Variants in ERGIC1 observed in about 807,000 individuals in gnomAD.
The protein encoded by ERGIC1 is endoplasmic reticulum-golgi intermediate compartment 1.
In ERGIC1, 19 loss-of-function variants were observed where a neutral mutation model predicts 38.3. The observed-to-expected ratio is 0.50, with a 90% CI of 0.35 to 0.73. The LOEUF is 0.73. Ranked by LOEUF, ERGIC1 falls within the 30% of genes least tolerant of loss-of-function variation. The pLI is 0.01. For synonymous variants in ERGIC1, 124 were observed against 157.6 expected (o/e 0.79, Z 1.60); for missense variants, 294 against 389.2 (o/e 0.76, Z 2.06).
chr5:172,914,764 A>G lies in ERGIC1; in HGVS notation c.301A>G (p.Ile101Val), dbSNP rs763895300. The G allele has an allele frequency of 2.5e-6, 4 of 1,614,074 alleles. No individual in the cohort carries two copies. The highest frequency in any genetic ancestry group is 2.7e-5 in the African/African-American group (2 of 74,922). Residue 101 changes from isoleucine (I) to valine (V), a missense_variant, in exon 5 of 10, where the codon ATC (isoleucine) becomes GTC (valine). By Grantham distance (29) the Ile-to-Val change is conservative (BLOSUM62 3). Transcript: ENST00000393784. ...GATGGGCAGGCACGAAGTGGGCCAC[A>G]TCGACAACTCCATGAAGATCCCGCT... The part of the protein sequence containing the change: ...DEMGRHEVGH[I>V]DNSMKIPLNN...
chr5:172,920,243 G>C, intron 5 of ERGIC1: 5 of 704,430 alleles, frequency 7.1e-6, no homozygotes, highest in Non-Finnish European at 1.3e-5. Context: ...CCCATCAAGA[G>C]GTGCTCAAAG....
intron 1 of ERGIC1, among the ~76,000 whole-genome samples, chr5:172,856,859 T>C (rs2113071690): frequency 6.6e-6 from 1 of 152,018 alleles, no homozygotes; most frequent in East Asian, 1.9e-4. Context: ...TCAGTATCCC[T>C]ATTTATGAGG....
At chr5:172,949,623 T>C (rs1479870886) in intron 9 of ERGIC1, among the ~76,000 whole-genome samples, 4 of 150,214 alleles carry the variant, frequency 2.7e-5, no homozygotes, top group Non-Finnish European at 5.9e-5. Flanking sequence ...CATTTGGCAA[T>C]GTTTGGAGAC....
At position 172,858,359 on chromosome 5, in the gene ERGIC1, A is replaced by G. The variant is rs534443445; in HGVS notation, c.20+23926A>G. On this transcript the variant is annotated intron_variant, in intron 1 of 9. Transcript: ENST00000393784. ...TTTATCCTAAGAAGCTTCAGCCCTT[A>G]CAGGGTGGTGAGCAGATCCTCACGA... is the stretch of plus-strand genomic sequence containing the variant. 9.2e-5 allele frequency among the ~76,000 whole-genome samples: 14 copies of G among 152,340 alleles called. 1 individual carries two copies. In the South Asian group the frequency reaches 2.7e-3, roughly 29 times the overall value.
intron 3 of ERGIC1, among the ~76,000 whole-genome samples, chr5:172,899,857 A>G (rs1468079604): frequency 2.6e-5 from 4 of 152,248 alleles, no homozygotes; most frequent in African/African-American, 9.6e-5. Context: ...ATCAAACAAG[A>G]TTATTTAGCT....
At chr5:172,910,999 T>A (rs1763194214) in intron 4 of ERGIC1, among the ~76,000 whole-genome samples, 1 of 152,150 alleles carries the variant, frequency 6.6e-6, no homozygotes, top group African/African-American at 2.4e-5. Flanking sequence ...CTTGGGAGAA[T>A]CTAATGCCAT....
intron 7 of ERGIC1, chr5:172,931,117 G>A (rs928335221): frequency 1.3e-5 from 2 of 152,084 alleles, no homozygotes; most frequent in African/African-American, 4.8e-5. Flanking sequence ...TCGACTCTGC[G>A]ACCAGGCTTA....
In ERGIC1 at chr5:172,836,780, C is replaced by T. The variant is rs117629588; in HGVS notation, c.20+2347C>T. ...ATGGGGTCCCAGGAGTGGGGGTGTG[C>T]GTGAACTGGCACGCAAGGAGCATCT... On this transcript the variant is annotated intron_variant, in intron 1 of 9. Coordinates refer to ENST00000393784, the MANE Select transcript of ERGIC1 (RefSeq NM_001031711.3). Among the ~76,000 whole-genome samples, 36 of 152,276 alleles carry T rather than the reference C, an allele frequency of 2.4e-4. No individual in the cohort carries two copies. The East Asian group carries it at 5.8e-3, about 24-fold the overall frequency.
At chr5:172,868,823 T>C (rs79509724) in intron 1 of ERGIC1, among the ~76,000 whole-genome samples, 2,822 of 152,298 alleles carry the variant, frequency 0.019, 46 homozygotes, top group Middle Eastern at 0.031. Flanking sequence ...GAAATCGCTA[T>C]CTTCTGCTCA....
intron 5 of ERGIC1, among the ~76,000 whole-genome samples, chr5:172,919,953 G>T (rs932630261): frequency 2.6e-5 from 4 of 152,204 alleles, no homozygotes; most frequent in Admixed American, 2.6e-4. Flanking sequence ...AGCTCCTTTA[G>T]TCCTCACAGT....
Position 172,834,317 on chromosome 5 carries a change from G to C in ERGIC1, c.-97G>C. 1 of 1,120,510 alleles carries C rather than the reference G, an allele frequency of 8.9e-7. No homozygotes were observed. The highest frequency in any genetic ancestry group is 1.1e-6 in the Non-Finnish European group (1 of 907,100). 69.4% of individuals were successfully genotyped at this position (1,120,510 alleles called of 1,614,324 possible). On this transcript the variant is annotated 5_prime_UTR_variant, in exon 1 of 10. Coordinates refer to ENST00000393784, the MANE Select transcript of ERGIC1 (RefSeq NM_001031711.3). This position sits in a 1 kb window ranked among gnomAD's most constrained non-coding sequence, Gnocchi z 4.1. The stretch of plus-strand genomic sequence containing the variant: ...GAGTGTCAGGGGGGCGGCCGGCGGG[G>C]GCGGGGCGGCCGGAGGAGGCGTTGG...
chr5:172,915,060 C>A (rs1299837022), intron 5 of ERGIC1: 3 of 736,968 alleles, frequency 4.1e-6, no homozygotes. Flanking sequence ...CAGGAAGGAG[C>A]TACTCTTCTC....
chr5:172,896,696 C>T (rs564116593), intron 2 of ERGIC1, among the ~76,000 whole-genome samples: 47 of 152,354 alleles, frequency 3.1e-4, no homozygotes, highest in South Asian at 8.3e-4. Context: ...TGTGGGCCAC[C>T]GGTTTGCAGC....
Position 172,926,652 on chromosome 5 carries a change from G to A in ERGIC1, c.541+83G>A, listed in dbSNP as rs1006420721. 10 of 1,504,256 alleles carry A rather than the reference G, an allele frequency of 6.6e-6. No individual in the cohort carries two copies. The highest frequency in any genetic ancestry group is 5.0e-5 in the Admixed American group (3 of 59,536). The allele number at this position is 1,504,256 out of a possible 1,614,324, so 93.2% of individuals were successfully genotyped here. A position where few individuals can be genotyped will look rare whatever the true frequency, so the allele number is the denominator to read the frequency against. Reference sequence around the variant, plus strand: ...GGAGGGGGAGGGCAGAGAGGTGGGGGTGCCTGTCCAGCACCCACTCCAAGG... The same window carrying A: ...GGAGGGGGAGGGCAGAGAGGTGGGGATGCCTGTCCAGCACCCACTCCAAGG... On this transcript the variant is annotated intron_variant, in intron 7 of 9. Transcript: ENST00000393784. The surrounding 1 kb of genome is among the most constrained non-coding windows in gnomAD (Gnocchi z 5.2).
At chr5:172,941,441 C>G (rs990883627) in intron 9 of ERGIC1, among the ~76,000 whole-genome samples, 3 of 152,110 alleles carry the variant, frequency 2.0e-5, no homozygotes, top group Non-Finnish European at 4.4e-5. Flanking sequence ...AACTGAGGCT[C>G]AGAGAGGTGA....
chr5:172,950,152 A>G (rs1764202652), intron 9 of ERGIC1, among the ~76,000 whole-genome samples: 1 of 152,204 alleles, frequency 6.6e-6, no homozygotes, highest in Non-Finnish European at 1.5e-5. Context: ...CCTTGGCTAT[A>G]ATTTTGCATT....
chr5:172,920,425 CAG>C (rs1370215853), intron 5 of ERGIC1: 1 of 717,710 alleles, frequency 1.4e-6, no homozygotes, highest in Non-Finnish European at 2.6e-6. Flanking sequence ...GCAGCCTCAC[CAG>C]AGACCCCACG....
chr5:172,847,560 C>T (rs1046200026), intron 1 of ERGIC1, among the ~76,000 whole-genome samples: 4 of 152,146 alleles, frequency 2.6e-5, no homozygotes, highest in African/African-American at 9.7e-5. Flanking sequence ...TGTCGCCAGG[C>T]TGGAGTGCAG....
intron 2 of ERGIC1, among the ~76,000 whole-genome samples, chr5:172,894,755 C>G (rs1014013768): frequency 6.6e-6 from 1 of 152,220 alleles, no homozygotes. Flanking sequence ...ATGGGCACCG[C>G]CCCCCTCAAG....
Sources: allele counts gnomAD v4.1 joint callset (sites outside exome capture counted in the v4.1 genomes callset), GRCh38; gene constraint gnomAD v4.1.1; non-coding constraint Gnocchi (gnomAD v3.1); transcripts MANE v1.5; gene names NCBI Gene and HGNC (gene_info 2026-07-23, HGNC 2026-07-21).